The following DRC8 variants were observed in gnomAD, a reference collection of about 807,000 sequenced individuals.
DRC8 encodes the protein dynein regulatory complex subunit 8, also known as dynein regulatory complex protein 8.
chr1:245,078,045 A>G, the DRC8 span, among the ~76,000 whole-genome samples: 1 of 152,190 alleles, frequency 6.6e-6, no homozygotes, highest in Non-Finnish European at 1.5e-5. Context: ...AAAAAACGGA[A>G]AAAAGGACCT....
chr1:245,068,165 G>C, the DRC8 span, among the ~76,000 whole-genome samples: 9 of 152,162 alleles, frequency 5.9e-5, no homozygotes, highest in Non-Finnish European at 1.2e-4. Context: ...GTGACCCAGG[G>C]AAATCTTCAA....
the DRC8 span, among the ~76,000 whole-genome samples, chr1:245,109,424 C>G: frequency 3.3e-5 from 5 of 152,180 alleles, no homozygotes; most frequent in East Asian, 9.6e-4. Context: ...GCTGGCCTTT[C>G]TGGCCTCCTC....
the DRC8 span, among the ~76,000 whole-genome samples, chr1:245,036,535 G>A: frequency 6.6e-6 from 1 of 152,160 alleles, no homozygotes; most frequent in East Asian, 1.9e-4. Context: ...ACAAAAACCT[G>A]TGGATGAATG....
At chr1:245,017,840 A>G in the DRC8 span, among the ~76,000 whole-genome samples, 1 of 152,220 alleles carries the variant, frequency 6.6e-6, no homozygotes, top group African/African-American at 2.4e-5. Flanking sequence ...TGGAGGACAC[A>G]GCTTGGGACT....
the DRC8 span, among the ~76,000 whole-genome samples, chr1:245,010,630 G>A: frequency 2.0e-5 from 3 of 152,124 alleles, no homozygotes; most frequent in East Asian, 5.8e-4. Flanking sequence ...CAGTATTTTG[G>A]GGTACCCCTT....
At chr1:245,113,693 A>T in the DRC8 span, among the ~76,000 whole-genome samples, 2 of 152,206 alleles carry the variant, frequency 1.3e-5, no homozygotes, top group Non-Finnish European at 2.9e-5. Flanking sequence ...AATAACAAAC[A>T]ATAATAATAT....
the DRC8 span, among the ~76,000 whole-genome samples, chr1:244,979,894 A>G: frequency 3.3e-5 from 5 of 150,784 alleles, no homozygotes; most frequent in Admixed American, 1.3e-4. Context: ...TTCTTAAAGC[A>G]TTGGTGAGTG....
chr1:245,033,429 C>A, the DRC8 span, among the ~76,000 whole-genome samples: 1 of 152,214 alleles, frequency 6.6e-6, no homozygotes, highest in Non-Finnish European at 1.5e-5. Flanking sequence ...GGATGAAATA[C>A]CTTCTCCCAC....
At chr1:245,039,954 C>G in the DRC8 span, among the ~76,000 whole-genome samples, 1 of 152,142 alleles carries the variant, frequency 6.6e-6, no homozygotes, top group East Asian at 1.9e-4. Context: ...TGCCAGGTTT[C>G]CCCACAGCAA....
the DRC8 span, among the ~76,000 whole-genome samples, chr1:244,999,078 A>AAG: frequency 6.6e-6 from 1 of 150,426 alleles, no homozygotes; most frequent in Non-Finnish European, 1.5e-5. Context: ...AAAAAAAAAA[A>AAG]AAAAGAAAGA....
the DRC8 span, among the ~76,000 whole-genome samples, chr1:245,081,657 C>T: frequency 2.6e-5 from 4 of 151,868 alleles, no homozygotes; most frequent in South Asian, 2.1e-4. Flanking sequence ...TTAGTAGAGA[C>T]GGGGTTTCAC....
At chr1:245,064,642 G>A in the DRC8 span, among the ~76,000 whole-genome samples, 1 of 151,694 alleles carries the variant, frequency 6.6e-6, no homozygotes, top group East Asian at 1.9e-4. Flanking sequence ...GTTTGAAAGT[G>A]ATTATGCTAA....
the DRC8 span, among the ~76,000 whole-genome samples, chr1:244,990,621 T>C: frequency 6.6e-6 from 1 of 152,188 alleles, no homozygotes; most frequent in Admixed American, 6.5e-5. Flanking sequence ...CCTATGTCAC[T>C]ATGACATAGC....
At chr1:245,090,742 T>C in the DRC8 span, among the ~76,000 whole-genome samples, 58,084 of 151,302 alleles carry the variant, frequency 0.38, 11,333 homozygotes, top group Middle Eastern at 0.47. Context: ...GTCTTTGTCC[T>C]ACTCATGGCC....
chr1:245,079,724 G>GA, the DRC8 span, among the ~76,000 whole-genome samples: 3 of 152,060 alleles, frequency 2.0e-5, no homozygotes, highest in Admixed American at 6.5e-5. Flanking sequence ...GGGAGGAAAG[G>GA]AAAAAAACCA....
At chr1:245,034,795 A>T in the DRC8 span, among the ~76,000 whole-genome samples, 1 of 151,872 alleles carries the variant, frequency 6.6e-6, no homozygotes, top group Non-Finnish European at 1.5e-5. Flanking sequence ...GGAGAAATTA[A>T]TGAAGATAAA....
chr1:244,970,498 C>G, the DRC8 span: 2 of 1,516,468 alleles, frequency 1.3e-6, no homozygotes, highest in Middle Eastern at 2.3e-4. Flanking sequence ...CGACCCCGGG[C>G]TGCACGGGGA....
chr1:244,991,249 G>T, the DRC8 span, among the ~76,000 whole-genome samples: 1 of 152,140 alleles, frequency 6.6e-6, no homozygotes, highest in Non-Finnish European at 1.5e-5. Flanking sequence ...TGACATAAAG[G>T]GTGCGGTGAG....
chr1:245,117,953 G>A, the DRC8 span, among the ~76,000 whole-genome samples: 1 of 152,060 alleles, frequency 6.6e-6, no homozygotes, highest in South Asian at 2.1e-4. Flanking sequence ...GGGTGACAGA[G>A]TGAGACTCTG....
Sources: gnomAD v4.1 joint callset for allele counts (sites outside exome capture counted in the v4.1 genomes callset) on GRCh38, gnomAD v4.1.1 for gene constraint, MANE v1.5 for transcripts, NCBI Gene and HGNC (gene_info 2026-07-23, HGNC 2026-07-21) for gene names.